The following SPATA1 variants were observed in gnomAD, a reference collection of about 807,000 sequenced individuals.
The protein encoded by SPATA1 is spermatogenesis associated 1, also known as spermatogenesis-associated protein 1.
Under a neutral mutation model 59.6 loss-of-function variants are expected in SPATA1, and 57 were observed. That is an observed-to-expected ratio of 0.96 (90% CI 0.77 to 1.19). The LOEUF is 1.19. Ranked by LOEUF, SPATA1 falls within the 50% of genes most tolerant of loss-of-function variation. SPATA1 has a pLI of 0.00. For missense variants in SPATA1, 448 were observed against 480.7 expected (o/e 0.93, Z 0.64); for synonymous variants, 147 against 163.9 (o/e 0.90, Z 0.79).
intron 8 of SPATA1, among the ~76,000 whole-genome samples, chr1:84,536,593 G>A (rs1035582956): frequency 6.6e-5 from 10 of 152,184 alleles, no homozygotes; most frequent in African/African-American, 1.7e-4. Context: ...ACAGGTGCCC[G>A]CCACCACGCC....
intron 6 of SPATA1, 143 bp downstream of exon 6, chr1:84,526,216 C>G (rs1249833529): frequency 1.6e-6 from 1 of 631,340 alleles, no homozygotes; most frequent in African/African-American, 1.8e-5. Flanking sequence ...TTGGGGATTT[C>G]TAAAAAAATA....
chr1:84,551,328 AAAAAAG>A (rs561874875), intron 12 of SPATA1: 92 of 936,930 alleles, frequency 9.8e-5, no homozygotes, highest in African/African-American at 7.3e-4. Flanking sequence ...TTTTAAAAAG[AAAAAAG>A]AAAATCAGTA....
chr1:84,517,406 A>G (rs1313800484), intron 2 of SPATA1, among the ~76,000 whole-genome samples: 3 of 152,136 alleles, frequency 2.0e-5, no homozygotes, highest in Non-Finnish European at 4.4e-5. Context: ...TTCCAAATTT[A>G]TAGCCTCATC....
At chr1:84,512,181 C>T (rs1363659168) in intron 1 of SPATA1, among the ~76,000 whole-genome samples, 1 of 152,226 alleles carries the variant, frequency 6.6e-6, no homozygotes, top group African/African-American at 2.4e-5. Flanking sequence ...CTCCCATCAT[C>T]TGTCATAAAG....
chr1:84,534,518 G>A (rs911256267), intron 8 of SPATA1, among the ~76,000 whole-genome samples: 1 of 152,040 alleles, frequency 6.6e-6, no homozygotes, highest in Admixed American at 6.5e-5. Flanking sequence ...TTTCCCAGGT[G>A]ATATTATATA....
intron 12 of SPATA1, chr1:84,551,364 A>G (rs187307435): frequency 2.2e-4 from 170 of 771,232 alleles, no homozygotes; most frequent in Admixed American, 2.1e-3. Context: ...GTTTCAGATA[A>G]AAATAAAAAT....
intron 9 of SPATA1, among the ~76,000 whole-genome samples, chr1:84,545,292 C>T (rs991754211): frequency 6.0e-5 from 9 of 150,110 alleles, no homozygotes; most frequent in African/African-American, 1.2e-4. Context: ...TTTCTATGTA[C>T]GATTTAAGTA....
chr1:84,508,076 T>C (rs1682355992), intron 1 of SPATA1, among the ~76,000 whole-genome samples: 1 of 152,008 alleles, frequency 6.6e-6, no homozygotes, highest in Non-Finnish European at 1.5e-5. Flanking sequence ...GGTCAAGAGA[T>C]CGAGACCATC....
chr1:84,540,911 A>C (rs1259796538), intron 8 of SPATA1, among the ~76,000 whole-genome samples: 1 of 152,136 alleles, frequency 6.6e-6, no homozygotes, highest in Non-Finnish European at 1.5e-5. Flanking sequence ...ATATTTATTT[A>C]CTCTCTGGCC....
At chr1:84,562,258 G>C (rs1398787055) in intron 4 of SPATA1, among the ~76,000 whole-genome samples, 1 of 152,186 alleles carries the variant, frequency 6.6e-6, no homozygotes, top group African/African-American at 2.4e-5. Flanking sequence ...ATGTGCATCT[G>C]TGTGTGTAAT....
intron 10 of SPATA1, among the ~76,000 whole-genome samples, chr1:84,547,101 C>T (rs1292398680): frequency 1.3e-5 from 2 of 152,186 alleles, no homozygotes; most frequent in African/African-American, 2.4e-5. Context: ...TCAGGAGATA[C>T]TTCTCAAGAT....
At chr1:84,544,826 G>T (rs1257381951) in intron 9 of SPATA1, among the ~76,000 whole-genome samples, 2 of 151,828 alleles carry the variant, frequency 1.3e-5, no homozygotes, top group Non-Finnish European at 2.9e-5. Context: ...CTCCCAAAGT[G>T]CTGGGATTAC....
At chr1:84,527,654 T>G (rs537322610) in intron 6 of SPATA1, 1 of 152,190 alleles carries the variant, frequency 6.6e-6, no homozygotes, top group Non-Finnish European at 1.5e-5. Flanking sequence ...TGTGTCATTA[T>G]AGAATTCCCT....
chr1:84,519,854 A>C (rs1682946808), intron 2 of SPATA1, among the ~76,000 whole-genome samples: 1 of 152,188 alleles, frequency 6.6e-6, no homozygotes, highest in African/African-American at 2.4e-5. Flanking sequence ...GAGAATATTC[A>C]TTTAAATGCT....
At chr1:84,565,499 G>C (rs1036858043) in intron 4 of SPATA1, among the ~76,000 whole-genome samples, 1 of 152,146 alleles carries the variant, frequency 6.6e-6, no homozygotes, top group Non-Finnish European at 1.5e-5. Context: ...AGATAAGCAT[G>C]TGATTTCATG....
intron 8 of SPATA1, among the ~76,000 whole-genome samples, chr1:84,535,922 C>T (rs1431062331): frequency 6.6e-6 from 1 of 152,168 alleles, no homozygotes; most frequent in Non-Finnish European, 1.5e-5. Flanking sequence ...ATGGTAATTT[C>T]ACTAATGGAA....
intron 6 of SPATA1, among the ~76,000 whole-genome samples, chr1:84,529,926 G>A (rs926084589): frequency 6.7e-6 from 1 of 149,750 alleles, no homozygotes; most frequent in Non-Finnish European, 1.5e-5. Flanking sequence ...GCACAATCTC[G>A]CCTCACTGCA....
chr1:84,513,893 G>C (rs1293836760), intron 1 of SPATA1, among the ~76,000 whole-genome samples: 1 of 145,792 alleles, frequency 6.9e-6, no homozygotes, highest in Non-Finnish European at 1.5e-5. Flanking sequence ...CCAGGCTGGA[G>C]TGCAGTGGCA....
At position 84,545,841 on chromosome 1, in the gene SPATA1, GTT is replaced by G. The variant is rs1480738450; in HGVS notation, c.946+83_946+84del. Reference sequence around the variant, plus strand: ...TGATCCTTTTAGAATAAATAATAAAGTTATAATTAATATTTACTGTTTTACTA... The same window carrying G: ...TGATCCTTTTAGAATAAATAATAAAGATAATTAATATTTACTGTTTTACTA... On this transcript the variant is annotated intron_variant, in intron 10 of 12. Coordinates refer to ENST00000490879, the Ensembl canonical transcript of SPATA1. The G allele has an allele frequency of 2.2e-5, 22 of 1,007,424 alleles. 1 individual carries two copies. The Admixed American group carries it at 9.1e-4, about 42-fold the overall frequency. The allele number at this position is 1,007,424 out of a possible 1,614,324, so 62.4% of individuals were successfully genotyped here. A position where few individuals can be genotyped will look rare whatever the true frequency, so the allele number is the denominator to read the frequency against.
Sources: gnomAD v4.1 joint callset for allele counts (sites outside exome capture counted in the v4.1 genomes callset) on GRCh38, gnomAD v4.1.1 for gene constraint, MANE v1.5 for transcripts, NCBI Gene and HGNC (gene_info 2026-07-23, HGNC 2026-07-21) for gene names.